Variants in COL5A1 observed in about 807,000 individuals in gnomAD.
COL5A1 encodes the protein collagen type V alpha 1 chain, also known as collagen alpha-1(V) chain.
A neutral mutation model predicts 263.7 loss-of-function variants in COL5A1; 16 were observed. That is an observed-to-expected ratio of 0.06 (90% confidence interval 0.04 to 0.09). The LOEUF is 0.09. Among genes scored for constraint, COL5A1 ranks in the 10% least tolerant of loss-of-function variants. COL5A1 has a pLI of 1.00. For missense variants in COL5A1, 2,036 were observed against 2,540.5 expected (o/e 0.80, Z 4.27); for synonymous variants, 1,012 against 1,004.5 (o/e 1.01, Z -0.14).
In COL5A1 at chr9:134,698,075, C is replaced by T. The variant is rs1833544131; in HGVS notation, c.278-1834C>T. Among the ~76,000 whole-genome samples, 3 of 152,204 alleles carry T rather than the reference C, an allele frequency of 2.0e-5. No individual in the cohort carries two copies. In the South Asian group the frequency reaches 6.2e-4, roughly 32 times the overall value. ...CTCCAACCTGGGCGACAGAACGAGA[C>T]TCTATCTCAAAAAAACCCCACAAAA... On this transcript the variant is annotated intron_variant, in intron 2 of 65. Transcript: ENST00000371817.
In COL5A1 at chr9:134,691,135, C is replaced by T. The variant is rs1287099488; in HGVS notation, c.277+56C>T. ...TGGGTCCCGTTGGCCCTCTGGCCTC[C>T]AGCCAGGAGCAGCGCTCAAGCCTGC... On this transcript the variant is annotated intron_variant, in intron 2 of 65. Coordinates refer to ENST00000371817, the MANE Select transcript of COL5A1 (RefSeq NM_000093.5). The T allele has an allele frequency of 1.5e-5, 24 of 1,603,846 alleles. No homozygotes were observed. In the Admixed American group the frequency reaches 3.0e-4, roughly 20 times the overall value.
rs573357638 is a variant in COL5A1, at chr9:134,818,445, G to A, written c.4231-211G>A. On this transcript the variant is annotated intron_variant, in intron 54 of 65. Coordinates refer to ENST00000371817, the MANE Select transcript of COL5A1 (RefSeq NM_000093.5). This position sits in a 1 kb window ranked among gnomAD's most constrained non-coding sequence, Gnocchi z 6.0. ...TGTGGTCGGCGCAGTCAGCGGAGAC[G>A]GGATCCCTGCTGGCCTGGGAGATGA... 1.3e-5 allele frequency among the ~76,000 whole-genome samples: 2 copies of A among 152,318 alleles called. No individual in the cohort carries two copies. Among genetic ancestry groups the A allele is most frequent in the Non-Finnish European group, 1.5e-5 (1 of 68,018 alleles).
At chr9:134,762,976 GTGTA>G (rs1371941700) in intron 19 of COL5A1, among the ~76,000 whole-genome samples, 1 of 152,190 alleles carries the variant, frequency 6.6e-6, no homozygotes, top group African/African-American at 2.4e-5. Flanking sequence ...CTGTGTGCGT[GTGTA>G]TGTGGACAAG....
At chr9:134,684,047 A>G (rs1014540034) in intron 1 of COL5A1, among the ~76,000 whole-genome samples, 3 of 152,214 alleles carry the variant, frequency 2.0e-5, no homozygotes, top group African/African-American at 7.2e-5. Context: ...TCCCGAAAGC[A>G]GCGGACTTCT....
At chr9:134,801,807 CAA>C (rs1263515965) in intron 37 of COL5A1, 145 bp from the exon 38 acceptor site, 7 of 720,062 alleles carry the variant, frequency 9.7e-6, no homozygotes, top group East Asian at 5.1e-5. Flanking sequence ...AAAAATGAAA[CAA>C]GAGACATGGG....
intron 4 of COL5A1, among the ~76,000 whole-genome samples, chr9:134,720,437 C>T (rs1834410845): frequency 6.6e-6 from 1 of 152,226 alleles, no homozygotes; most frequent in Non-Finnish European, 1.5e-5. Context: ...AGCTTGGTTT[C>T]ATATCACAGG....
intron 1 of COL5A1, among the ~76,000 whole-genome samples, chr9:134,675,317 G>C (rs1408933503): frequency 6.6e-6 from 1 of 152,120 alleles, no homozygotes; most frequent in Non-Finnish European, 1.5e-5. Context: ...TGTGGGTACT[G>C]AATGAGAATT....
rs2132661532 is a variant in COL5A1, at chr9:134,741,783, G to A, written c.1494+2975G>A. On this transcript the variant is annotated intron_variant, in intron 11 of 65. Coordinates refer to ENST00000371817, the MANE Select transcript of COL5A1 (RefSeq NM_000093.5). This position sits in a 1 kb window ranked among gnomAD's most constrained non-coding sequence, Gnocchi z 4.5. ...GCTTGGCCTCCTGTGCCTCTGTCTG[G>A]GAGGGCCTTTTCCCTGGGGTCTGGA... Among the ~76,000 whole-genome samples the A allele has an allele frequency of 6.6e-6, 1 of 152,232 alleles. No individual in the cohort carries two copies.
chr9:134,814,722 AC>A, intron 49 of COL5A1, 74 bp from the exon 50 acceptor site: 1 of 1,135,300 alleles, frequency 8.8e-7, no homozygotes, highest in Non-Finnish European at 1.3e-6. Context: ...GGGTGAGAAA[AC>A]CGGGGAGGCC....
intron 11 of COL5A1, among the ~76,000 whole-genome samples, chr9:134,748,725 G>T (rs1835667631): frequency 6.6e-6 from 1 of 152,238 alleles, no homozygotes; most frequent in Non-Finnish European, 1.5e-5. Context: ...CAGCAGCACT[G>T]CTTTGAGGGA....
chr9:134,825,873 C>T lies in COL5A1; in HGVS notation c.5036C>T (p.Thr1679Ile). 1.2e-6 allele frequency: 2 copies of T among 1,613,140 alleles called. No individual in the cohort carries two copies. The highest frequency in any genetic ancestry group is 1.7e-6 in the Non-Finnish European group (2 of 1,179,322). ...VYCNFTAGGS[T>I]CVFPDKKSEG... The stretch of plus-strand genomic sequence containing the variant: ...TGCAACTTCACAGCCGGGGGGTCGA[C>T]ATGCGTCTTCCCTGACAAGAAGTCC... Residue 1679 changes from threonine (T) to isoleucine (I), a missense_variant, in exon 63 of 66, where the codon ACA (threonine) becomes ATA (isoleucine). Physicochemically the swap from Thr to Ile is moderately conservative, Grantham distance 89. Coordinates refer to ENST00000371817, the MANE Select transcript of COL5A1 (RefSeq NM_000093.5).
chr9:134,775,710 A>T (rs545281631), intron 27 of COL5A1, among the ~76,000 whole-genome samples: 1 of 152,122 alleles, frequency 6.6e-6, no homozygotes, highest in Non-Finnish European at 1.5e-5. Flanking sequence ...GCTCATGATG[A>T]TTCTTTCCTT....
At chr9:134,771,954 G>T (rs115847912) in intron 25 of COL5A1, among the ~76,000 whole-genome samples, 2,698 of 152,304 alleles carry the variant, frequency 0.018, 68 homozygotes, top group African/African-American at 0.06. Context: ...GCATTAAACC[G>T]AGTGACCCGC....
rs2132611421 is a variant in COL5A1 at position 134,716,760 on chromosome 9, T to C, written c.655-10506T>C. ...TGATCATGCCCCTTCTCTGCACCCA[T>C]GCGGCCCACCCCCATGTTGGAGACA... On this transcript the variant is annotated intron_variant, in intron 4 of 65. Coordinates refer to ENST00000371817, the MANE Select transcript of COL5A1 (RefSeq NM_000093.5). This position sits in a 1 kb window ranked among gnomAD's most constrained non-coding sequence, Gnocchi z 4.5. Among the ~76,000 whole-genome samples the C allele has an allele frequency of 6.6e-6, 1 of 152,308 alleles. No individual in the cohort carries two copies. Among genetic ancestry groups the C allele is most frequent in the East Asian group, 1.9e-4 (1 of 5,176 alleles).
At chr9:134,708,421 G>GT (rs1038594128) in intron 4 of COL5A1, 12 of 408,070 alleles carry the variant, frequency 2.9e-5, no homozygotes, top group Admixed American at 5.7e-5. Flanking sequence ...GCAACTCCCG[G>GT]GGTGGGGGCT....
At chr9:134,744,150 C>A (rs1835387817) in intron 11 of COL5A1, among the ~76,000 whole-genome samples, 1 of 152,196 alleles carries the variant, frequency 6.6e-6, no homozygotes. Flanking sequence ...GCATGGGATT[C>A]ATTTGCTTTC....
chr9:134,759,063 TG>T (rs963878071), intron 18 of COL5A1, among the ~76,000 whole-genome samples: 10 of 152,080 alleles, frequency 6.6e-5, no homozygotes, highest in Non-Finnish European at 1.2e-4. Flanking sequence ...TCAGCCCATT[TG>T]GGGGCCTGAC....
chr9:134,662,662 C>T (rs1832245667), intron 1 of COL5A1, among the ~76,000 whole-genome samples: 1 of 152,208 alleles, frequency 6.6e-6, no homozygotes, highest in African/African-American at 2.4e-5. Flanking sequence ...CACCCTCATG[C>T]TCTGCAGCCC....
intron 9 of COL5A1, among the ~76,000 whole-genome samples, chr9:134,734,933 G>A (rs768921256): frequency 4.6e-5 from 7 of 152,154 alleles, no homozygotes; most frequent in African/African-American, 1.7e-4. Flanking sequence ...GCATTCGGCC[G>A]GGTGCGGTGG....
Sources: allele counts gnomAD v4.1 joint callset (sites outside exome capture counted in the v4.1 genomes callset), GRCh38; gene constraint gnomAD v4.1.1; non-coding constraint Gnocchi (gnomAD v3.1); transcripts MANE v1.5; gene names NCBI Gene and HGNC (gene_info 2026-07-23, HGNC 2026-07-21).